The following BMERB1 variants were observed in gnomAD, a reference collection of about 807,000 sequenced individuals.
BMERB1 encodes the protein bMERB domain-containing protein 1.
BMERB1 carries 12 observed loss-of-function variants against 23.6 expected under a neutral mutation model. The ratio of observed to expected loss-of-function variants is 0.51; its 90% CI spans 0.33 to 0.82. BMERB1 has a LOEUF of 0.82. Among genes scored for constraint, BMERB1 ranks in the 40% least tolerant of loss-of-function variants. BMERB1 has a pLI of 0.03. For synonymous variants in BMERB1, 122 were observed against 96.6 expected, an observed-to-expected ratio of 1.26 and a Z score of -1.54; for missense variants, 247 against 255.4, an observed-to-expected ratio of 0.97 and a Z score of 0.22.
chr16:15,580,692 C>T (rs555685788), intron 3 of BMERB1, among the ~76,000 whole-genome samples: 16 of 151,286 alleles, frequency 1.1e-4, no homozygotes, highest in Admixed American at 5.3e-4. Flanking sequence ...GGACTACAGG[C>T]ACCCGCCACC....
intron 1 of BMERB1, among the ~76,000 whole-genome samples, chr16:15,438,500 C>T (rs111885670): frequency 5.4e-5 from 8 of 148,568 alleles, no homozygotes; most frequent in East Asian, 2.0e-4. Flanking sequence ...CTTGCTCTGT[C>T]GCCCAGGCTG....
intron 1 of BMERB1, among the ~76,000 whole-genome samples, chr16:15,495,145 A>G (rs1038052940): frequency 8.8e-4 from 134 of 151,936 alleles, no homozygotes; most frequent in African/African-American, 3.1e-3. Context: ...CGGCCTTCCA[A>G]AGTGCTGGGA....
chr16:15,444,119 C>CTTTTTTTTTTTTTTTTTTTTTTTTT (rs1225982061), intron 1 of BMERB1, among the ~76,000 whole-genome samples: 1 of 24,460 alleles, frequency 4.1e-5, no homozygotes, highest in Non-Finnish European at 7.9e-5. Flanking sequence ...CAGGCACCAG[C>CTTTTTTTTTTTTTTTTTTTTTTTTT]TTTGTTTTTT....
intron 2 of BMERB1, among the ~76,000 whole-genome samples, chr16:15,559,458 G>A (rs1297948756): frequency 6.6e-6 from 1 of 152,214 alleles, no homozygotes; most frequent in African/African-American, 2.4e-5. Flanking sequence ...GCTGAATCTG[G>A]AAGGCCACTT....
At chr16:15,586,057 C>T (rs1162158045) in intron 5 of BMERB1, among the ~76,000 whole-genome samples, 1 of 151,924 alleles carries the variant, frequency 6.6e-6, no homozygotes, top group Non-Finnish European at 1.5e-5. Context: ...AAAAAACTGG[C>T]CTTCTGAAAT....
chr16:15,494,523 A>T (rs887488933), intron 1 of BMERB1, among the ~76,000 whole-genome samples: 5 of 152,138 alleles, frequency 3.3e-5, no homozygotes, highest in Non-Finnish European at 7.3e-5. Context: ...ACACACACGT[A>T]ATTCAAATGC....
intron 2 of BMERB1, among the ~76,000 whole-genome samples, chr16:15,556,837 G>C (rs2030273916): frequency 6.6e-6 from 1 of 152,140 alleles, no homozygotes; most frequent in Non-Finnish European, 1.5e-5. Flanking sequence ...GCCCTCCTCG[G>C]CCTCCCAAAG....
chr16:15,543,208 C>T (rs985903748), intron 2 of BMERB1, among the ~76,000 whole-genome samples: 2 of 152,084 alleles, frequency 1.3e-5, no homozygotes, highest in Non-Finnish European at 1.5e-5. Flanking sequence ...CTGTCCCCAG[C>T]CAAACTCCTC....
intron 1 of BMERB1, among the ~76,000 whole-genome samples, chr16:15,446,939 C>T (rs1037420820): frequency 6.6e-6 from 1 of 152,138 alleles, no homozygotes; most frequent in Admixed American, 6.5e-5. Context: ...GAAAGGCTTT[C>T]TTTGAATGAT....
At chr16:15,525,601 A>G in intron 2 of BMERB1, among the ~76,000 whole-genome samples, 1 of 151,938 alleles carries the variant, frequency 6.6e-6, no homozygotes, top group East Asian at 1.9e-4. Context: ...GCTACTCGGA[A>G]AGTCGAGGCA....
Position 15,587,537 on chromosome 16 carries a change from G to C in BMERB1, c.*708G>C. On this transcript the variant is annotated 3_prime_UTR_variant, in exon 6 of 6. Coordinates refer to ENST00000300006, the MANE Select transcript of BMERB1 (RefSeq NM_033201.3). ...GCCTGGAGGGGGCCTGGACTGGCAT[G>C]GATCCAGTGTGCAGAAGAGCCAGCA... 1 of 452,870 alleles carries C rather than the reference G, an allele frequency of 2.2e-6. No homozygotes were observed. Among genetic ancestry groups the C allele is most frequent in the South Asian group, 1.6e-5 (1 of 64,276 alleles). 28.1% of individuals were successfully genotyped at this position (452,870 alleles called of 1,614,324 possible).
At chr16:15,541,939 T>C (rs1222818573) in intron 2 of BMERB1, among the ~76,000 whole-genome samples, 21 of 139,772 alleles carry the variant, frequency 1.5e-4, no homozygotes, top group Admixed American at 1.1e-3. Context: ...AGAGATGGAG[T>C]CTTGCTATGT....
At chr16:15,452,752 G>A in intron 1 of BMERB1, among the ~76,000 whole-genome samples, 1 of 152,140 alleles carries the variant, frequency 6.6e-6, no homozygotes, top group East Asian at 1.9e-4. Context: ...CTAAGCTAAG[G>A]TCAAAGCCAA....
chr16:15,461,936 AAACAAC>A (rs201579006), intron 1 of BMERB1, among the ~76,000 whole-genome samples: 6 of 151,794 alleles, frequency 4.0e-5, no homozygotes, highest in Non-Finnish European at 5.9e-5. Context: ...TGTTTCACCA[AAACAAC>A]AACAACAACA....
chr16:15,467,806 A>C (rs936827726), intron 1 of BMERB1, among the ~76,000 whole-genome samples: 17 of 152,192 alleles, frequency 1.1e-4, no homozygotes, highest in African/African-American at 4.1e-4. Context: ...GGTTTTAAAC[A>C]TTTTAGGGAG....
chr16:15,549,675 C>G (rs2030025057), intron 2 of BMERB1, among the ~76,000 whole-genome samples: 1 of 144,086 alleles, frequency 6.9e-6, no homozygotes, highest in South Asian at 2.2e-4. Flanking sequence ...GAGACATTGT[C>G]TAAAAAAAAA....
chr16:15,458,717 CAAAA>C (rs1162694311), intron 1 of BMERB1, among the ~76,000 whole-genome samples: 1 of 80,306 alleles, frequency 1.2e-5, no homozygotes, highest in Non-Finnish European at 2.7e-5. Flanking sequence ...ACCGTGTGTC[CAAAA>C]AAAAAAAAAA....
At chr16:15,531,638 ATCATTTTTT>A in intron 2 of BMERB1, among the ~76,000 whole-genome samples, 1 of 152,290 alleles carries the variant, frequency 6.6e-6, no homozygotes, top group African/African-American at 2.4e-5. Flanking sequence ...CCGGGTTCTC[ATCATTTTTT>A]TGAAATCTCC....
At chr16:15,574,916 TA>T (rs1343063880) in intron 3 of BMERB1, among the ~76,000 whole-genome samples, 1 of 152,170 alleles carries the variant, frequency 6.6e-6, no homozygotes, top group East Asian at 1.9e-4. Flanking sequence ...CCGTCTCTAC[TA>T]AAATTACAAA....
Sources: allele counts gnomAD v4.1 joint callset (sites outside exome capture counted in the v4.1 genomes callset), GRCh38; gene constraint gnomAD v4.1.1; transcripts MANE v1.5; gene names NCBI Gene and HGNC (gene_info 2026-07-23, HGNC 2026-07-21).